The following OR10A2 variants were observed in gnomAD, a reference collection of about 807,000 sequenced individuals.
OR10A2 encodes the protein olfactory receptor family 10 subfamily A member 2.
A neutral mutation model predicts 13.7 loss-of-function variants in OR10A2; 15 were observed. The observed-to-expected ratio is 1.10, with a 90% confidence interval of 0.73 to 1.69. The LOEUF (loss-of-function observed/expected upper bound fraction) is 1.69, where lower values mean the gene tolerates loss of function less well. Among genes scored for constraint, OR10A2 ranks in the 40% most tolerant of loss-of-function variants. The pLI is 0.00. For missense variants in OR10A2, 343 were observed against 361.1 expected, an observed-to-expected ratio of 0.95 and a Z score of 0.41; for synonymous variants, 145 against 144.7, an observed-to-expected ratio of 1.00 and a Z score of -0.02.
intron 1 of OR10A2, among the ~76,000 whole-genome samples, chr11:6,865,752 A>G (rs1659482100): frequency 6.6e-6 from 1 of 152,160 alleles, no homozygotes; most frequent in South Asian, 2.1e-4. Context: ...TCAGTTTTTT[A>G]TGTGAGTAAA....
rs993339863 is a variant in OR10A2, at chr11:6,872,939, C to T, written c.*2273C>T. 2 of 151,738 alleles carry T rather than the reference C, an allele frequency of 1.3e-5. No homozygotes were observed. The highest frequency in any genetic ancestry group is 2.9e-5 in the Non-Finnish European group (2 of 68,040). The allele number at this position is 151,738 out of a possible 1,614,324, so 9.4% of individuals were successfully genotyped here. On this transcript the variant is annotated 3_prime_UTR_variant, in exon 2 of 2. Coordinates refer to ENST00000641461, the MANE Select transcript of OR10A2 (RefSeq NM_001004460.2). ...GGTTCAATCAATTCTCATGCCTCAG[C>T]CTCTTGAGTAGCTGGGATTACAGGC...
chr11:6,863,497 T>A (rs982284503), intron 1 of OR10A2, 146 bp downstream of exon 1: 1 of 151,256 alleles, frequency 6.6e-6, no homozygotes, highest in African/African-American at 2.4e-5. Context: ...CACTGGGAGA[T>A]CTCATCAGTT....
chr11:6,869,855 T>C lies in OR10A2; in HGVS notation c.101T>C (p.Leu34Pro). ...VTLMGNCLII[L>P]VTLADPMLHS... ...CTGATGGGAAACTGCCTCATCATTCTGGTTACCCTAGCTGACCCCATGCTA... is the reference window on the plus strand; with the variant it reads ...CTGATGGGAAACTGCCTCATCATTCCGGTTACCCTAGCTGACCCCATGCTA... Residue 34 changes from leucine to proline, a missense_variant, in exon 2 of 2, where the codon CTG becomes CCG. Transcript: ENST00000641461. The C allele has an allele frequency of 6.2e-7, 1 of 1,614,214 alleles. No homozygotes were observed. Among genetic ancestry groups the C allele is most frequent in the Non-Finnish European group, 8.5e-7 (1 of 1,180,016 alleles).
In OR10A2 at chr11:6,870,745, A is replaced by T. The variant is rs1340546818; in HGVS notation, c.*79A>T. On this transcript the variant is annotated 3_prime_UTR_variant, in exon 2 of 2. Transcript: ENST00000641461. ...TTGAGATTCCTCTCTGCATCTTTCCACATCTCCAATAAGATGAAGTCCTGT... is the reference window on the plus strand; with the variant it reads ...TTGAGATTCCTCTCTGCATCTTTCCTCATCTCCAATAAGATGAAGTCCTGT... 3 of 1,158,174 alleles carry T rather than the reference A, an allele frequency of 2.6e-6. No homozygotes were observed. Among genetic ancestry groups the T allele is most frequent in the African/African-American group, 3.1e-5 (2 of 64,810 alleles). 71.7% of individuals were successfully genotyped at this position (1,158,174 alleles called of 1,614,324 possible). A position where few individuals can be genotyped will look rare whatever the true frequency, so the allele number is the denominator to read the frequency against.
At chr11:6,864,842 A>G (rs1590017496) in intron 1 of OR10A2, among the ~76,000 whole-genome samples, 1 of 151,266 alleles carries the variant, frequency 6.6e-6, no homozygotes, top group South Asian at 2.1e-4. Flanking sequence ...TGAAAACCCC[A>G]ATTTTTTAAT....
Position 6,872,368 on chromosome 11 carries a change from A to G in OR10A2, c.*1702A>G, listed in dbSNP as rs2741761. Reference sequence around the variant, plus strand: ...CCATTTCAAGTTTATTAATAAATACATTAAATTTTGTATATACTACATGTA... The same window carrying G: ...CCATTTCAAGTTTATTAATAAATACGTTAAATTTTGTATATACTACATGTA... On this transcript the variant is annotated 3_prime_UTR_variant, in exon 2 of 2. Transcript: ENST00000641461. The G allele has an allele frequency of 0.87, 132,654 of 152,202 alleles. 60,756 individuals are homozygous for G. The highest frequency in any genetic ancestry group is 1 in the East Asian group (5,184 of 5,190). The allele number at this position is 152,202 out of a possible 1,614,324, so 9.4% of individuals were successfully genotyped here.
At chr11:6,868,685 T>A (rs1022169457) in intron 1 of OR10A2, among the ~76,000 whole-genome samples, 3 of 148,264 alleles carry the variant, frequency 2.0e-5, no homozygotes, top group African/African-American at 7.4e-5. Flanking sequence ...TAATTTTTTT[T>A]AACCAGAGTT....
At chr11:6,866,554 C>T (rs1200461458) in intron 1 of OR10A2, among the ~76,000 whole-genome samples, 1 of 152,104 alleles carries the variant, frequency 6.6e-6, no homozygotes, top group African/African-American at 2.4e-5. Flanking sequence ...CAAATCCTCA[C>T]CAGCATTTGG....
Position 6,869,636 on chromosome 11 carries a change from G to A in OR10A2, c.-119G>A. 1 of 959,374 alleles carries A rather than the reference G, an allele frequency of 1.0e-6. No individual in the cohort carries two copies. The highest frequency in any genetic ancestry group is 1.6e-6 in the Non-Finnish European group (1 of 623,342). 59.4% of individuals were successfully genotyped at this position (959,374 alleles called of 1,614,324 possible). On this transcript the variant is annotated 5_prime_UTR_variant, in exon 2 of 2. Transcript: ENST00000641461. ...TTTCCCTGACAGTAAGAACGAGTCTGAAAAACAAATTGAGAATCTGACTTC... is the reference window on the plus strand; with the variant it reads ...TTTCCCTGACAGTAAGAACGAGTCTAAAAAACAAATTGAGAATCTGACTTC...
chr11:6,867,075 T>C (rs539867611), intron 1 of OR10A2, among the ~76,000 whole-genome samples: 1 of 152,272 alleles, frequency 6.6e-6, no homozygotes, highest in Non-Finnish European at 1.5e-5. Context: ...TGTATTCTAA[T>C]TGACTCAGTT....
rs534324819 is a variant in OR10A2 at position 6,870,261 on chromosome 11, A to G, written c.507A>G (p.Pro169=). The G allele has an allele frequency of 3.0e-4, 479 of 1,614,076 alleles. No individual in the cohort carries two copies. The highest frequency in any genetic ancestry group is 3.6e-4 in the East Asian group (16 of 44,866). ...TGAACCACTTCTTCTGTGACAGCCC[A>G]CCTGTGCTGAGGCTGGTCTGTGCAG... ...NKVNHFFCDS[P]PVLRLVCADT... Residue 169 remains proline (P), a synonymous_variant, in exon 2 of 2, where the codon CCA becomes CCG. Coordinates refer to ENST00000641461, the MANE Select transcript of OR10A2 (RefSeq NM_001004460.2).
chr11:6,870,315 C>T lies in OR10A2; in HGVS notation c.561C>T (p.Ile187=), dbSNP rs144699545. The change falls in exon 2 of 2, where the codon ATC becomes ATT. Residue 187 remains isoleucine, a synonymous_variant. Transcript: ENST00000641461. ...CAGCACTCTTTGAGATCTACGCCAT[C>T]GTCGGAACCATTCTGGTGGTCATGA... ...ADTALFEIYA[I]VGTILVVMIP... The T allele has an allele frequency of 1.4e-5, 23 of 1,614,164 alleles. No individual in the cohort carries two copies. Among genetic ancestry groups the T allele is most frequent in the South Asian group, 3.3e-5 (3 of 91,080 alleles).
intron 1 of OR10A2, among the ~76,000 whole-genome samples, 185 bp downstream of exon 1, chr11:6,863,536 A>G (rs777114783): frequency 3.3e-5 from 5 of 151,882 alleles, no homozygotes; most frequent in Non-Finnish European, 7.4e-5. Flanking sequence ...AGTTTACTCT[A>G]TGTCATAAGA....
intron 1 of OR10A2, among the ~76,000 whole-genome samples, chr11:6,863,916 T>A (rs915383062): frequency 6.6e-6 from 1 of 152,228 alleles, no homozygotes; most frequent in African/African-American, 2.4e-5. Context: ...TGGCTTTGAA[T>A]GTGGCCCAAC....
intron 1 of OR10A2, among the ~76,000 whole-genome samples, chr11:6,866,244 G>A (rs1185472849): frequency 1.3e-5 from 2 of 152,090 alleles, no homozygotes; most frequent in African/African-American, 4.8e-5. Flanking sequence ...ATACCCAAAG[G>A]TACAATTACT....
Position 6,870,134 on chromosome 11 carries a change from C to T in OR10A2, c.380C>T (p.Thr127Ile), listed in dbSNP as rs1375170367. Residue 127 changes from threonine to isoleucine, a missense_variant, in exon 2 of 2, where the codon ACT becomes ATT. Thr to Ile is a moderately conservative substitution (Grantham distance 89). Transcript: ENST00000641461. ...TACCCAGTCATCATGAACCAAAGGA[C>T]TCGTGCCAAACTGGCTGCTGCCTCC... Reference protein sequence around the residue: ...LHYPVIMNQRTRAKLAAASWF... With the variant: ...LHYPVIMNQRIRAKLAAASWF... 4 of 1,614,224 alleles carry T rather than the reference C, an allele frequency of 2.5e-6. No individual in the cohort carries two copies. The South Asian group carries it at 4.4e-5, about 18-fold the overall frequency.
chr11:6,863,584 C>T (rs2133066743), intron 1 of OR10A2, among the ~76,000 whole-genome samples: 1 of 151,978 alleles, frequency 6.6e-6, no homozygotes, highest in African/African-American at 2.4e-5. Flanking sequence ...CTGATATTAC[C>T]CAGGCTTTTT....
At chr11:6,867,004 C>T (rs576319215) in intron 1 of OR10A2, among the ~76,000 whole-genome samples, 29 of 151,938 alleles carry the variant, frequency 1.9e-4, no homozygotes, top group South Asian at 1.5e-3. Context: ...TTCATTATTC[C>T]TCTTATAATT....
In OR10A2 at chr11:6,869,653, T is replaced by A. The variant is rs1848407948; in HGVS notation, c.-102T>A. On this transcript the variant is annotated 5_prime_UTR_variant, in exon 2 of 2. Coordinates refer to ENST00000641461, the MANE Select transcript of OR10A2 (RefSeq NM_001004460.2). The stretch of plus-strand genomic sequence containing the variant: ...ACGAGTCTGAAAAACAAATTGAGAA[T>A]CTGACTTCCAATCAATAATCTTTCT... 1 of 1,044,670 alleles carries A rather than the reference T, an allele frequency of 9.6e-7. No homozygotes were observed. Among genetic ancestry groups the A allele is most frequent in the Admixed American group, 2.1e-5 (1 of 48,188 alleles). The allele number at this position is 1,044,670 out of a possible 1,614,324, so 64.7% of individuals were successfully genotyped here. A position where few individuals can be genotyped will look rare whatever the true frequency, so the allele number is the denominator to read the frequency against.
Sources: gnomAD v4.1 joint callset for allele counts (sites outside exome capture counted in the v4.1 genomes callset) on GRCh38, gnomAD v4.1.1 for gene constraint, MANE v1.5 for transcripts, NCBI Gene and HGNC (gene_info 2026-07-23, HGNC 2026-07-21) for gene names.